Variants in CTNNA3 observed in about 807,000 individuals in gnomAD.
The protein encoded by CTNNA3 is catenin alpha-3.
A neutral mutation model predicts 95.7 loss-of-function variants in CTNNA3; 76 were observed. The observed-to-expected ratio is 0.79, with a 90% CI of 0.66 to 0.96. The LOEUF (loss-of-function observed/expected upper bound fraction) is 0.96. CTNNA3 is among the 40% of genes least tolerant of loss of function. The pLI, the probability that CTNNA3 is intolerant of heterozygous loss-of-function variation, is 0.00. For missense variants in CTNNA3, 1,191 were observed against 1,089.8 expected (o/e 1.09, Z -1.31); for synonymous variants, 431 against 374.4 (o/e 1.15, Z -1.74).
chr10:67,062,425 T>C (rs1172027576), intron 7 of CTNNA3, among the ~76,000 whole-genome samples: 2 of 152,222 alleles, frequency 1.3e-5, no homozygotes, highest in Non-Finnish European at 2.9e-5. Flanking sequence ...TGCTTTAGCA[T>C]TATCTCTTAA....
chr10:66,010,645 T>C (rs1262672857), intron 15 of CTNNA3, among the ~76,000 whole-genome samples: 2 of 152,208 alleles, frequency 1.3e-5, no homozygotes, highest in Non-Finnish European at 2.9e-5. Flanking sequence ...TTCCATACAC[T>C]CAGATGGCTC....
intron 2 of CTNNA3, among the ~76,000 whole-genome samples, chr10:67,619,977 C>T (rs575696302): frequency 1.3e-5 from 2 of 151,622 alleles, no homozygotes; most frequent in South Asian, 4.2e-4. Context: ...TAGATGAAAC[C>T]CAGAACATCC....
chr10:66,960,488 A>G (rs1366094563), intron 7 of CTNNA3, among the ~76,000 whole-genome samples: 1 of 152,210 alleles, frequency 6.6e-6, no homozygotes, highest in African/African-American at 2.4e-5. Flanking sequence ...GTTTTAGAGT[A>G]GAGAACTAAT....
intron 5 of CTNNA3, among the ~76,000 whole-genome samples, chr10:67,481,916 G>A (rs1848247657): frequency 6.6e-6 from 1 of 151,880 alleles, no homozygotes; most frequent in Non-Finnish European, 1.5e-5. Flanking sequence ...ATCGTGAATT[G>A]ATTTTTGTAT....
intron 1 of CTNNA3, among the ~76,000 whole-genome samples, chr10:67,670,752 T>C (rs1049390198): frequency 1.3e-5 from 2 of 152,210 alleles, no homozygotes; most frequent in Non-Finnish European, 2.9e-5. Flanking sequence ...TTTCATAGTC[T>C]ATATTCCCTG....
intron 13 of CTNNA3, among the ~76,000 whole-genome samples, chr10:66,275,604 A>G (rs747246076): frequency 3.9e-5 from 6 of 152,212 alleles, no homozygotes; most frequent in Non-Finnish European, 7.3e-5. Flanking sequence ...TGAGACTTGA[A>G]CTCAGGTCTT....
chr10:66,009,466 A>G (rs1306053847), intron 15 of CTNNA3, among the ~76,000 whole-genome samples: 3 of 152,214 alleles, frequency 2.0e-5, no homozygotes, highest in Non-Finnish European at 1.5e-5. Context: ...GGAGAGTGTC[A>G]ATGCCAATCA....
intron 7 of CTNNA3, among the ~76,000 whole-genome samples, chr10:66,936,815 C>T (rs1847727037): frequency 6.6e-6 from 1 of 152,144 alleles, no homozygotes. Flanking sequence ...TATCTGCTCC[C>T]AGAGTGAGAG....
rs1302973849 is a variant in CTNNA3 at position 67,376,037 on chromosome 10, G to A, written c.579+145805C>T. On this transcript the variant is annotated intron_variant, in intron 5 of 17. Transcript: ENST00000433211. Reference sequence around the variant, plus strand: ...AGGAAGGCACTGTCTATGAGAAAGTGGGCCCTCACCAGCTGCCAAATATAC... The same window carrying A: ...AGGAAGGCACTGTCTATGAGAAAGTAGGCCCTCACCAGCTGCCAAATATAC... 2.0e-5 allele frequency among the ~76,000 whole-genome samples: 3 copies of A among 152,118 alleles called. No individual in the cohort carries two copies. The East Asian group carries it at 5.8e-4, about 29-fold the overall frequency.
intron 7 of CTNNA3, among the ~76,000 whole-genome samples, chr10:66,931,921 C>A (rs940588786): frequency 6.6e-6 from 1 of 152,066 alleles, no homozygotes; most frequent in Non-Finnish European, 1.5e-5. Flanking sequence ...TTTTCATCAG[C>A]AAGATACATG....
rs201890896 is a variant in CTNNA3 at position 66,199,899 on chromosome 10, AC to A, written c.1884+80570del. On this transcript the variant is annotated intron_variant, in intron 13 of 17. Coordinates refer to ENST00000433211, the MANE Select transcript of CTNNA3 (RefSeq NM_013266.4). The stretch of plus-strand genomic sequence containing the variant: ...GATCTCCTGACCTCATGATCTGCCC[AC>A]CTTGGTCTCCCGAAGTGCTGGGATT... 8.3e-3 allele frequency among the ~76,000 whole-genome samples: 1,110 copies of A among 133,202 alleles called. 15 individuals carry two copies. Among genetic ancestry groups the A allele is most frequent in the African/African-American group, 0.031 (1,044 of 33,608 alleles). 87.4% of individuals were successfully genotyped at this position (133,202 alleles called of 152,430 possible).
In CTNNA3 at chr10:66,025,714, C is replaced by CAGATTT. The variant is rs1260587915; in HGVS notation, c.2160-36923_2160-36918dup. On this transcript the variant is annotated intron_variant, in intron 15 of 17. Coordinates refer to ENST00000433211, the MANE Select transcript of CTNNA3 (RefSeq NM_013266.4). ...AAAATGGAGTACATTTTCTGAGCCTCAGATTTAGAGGAAATTTTTCAGCAA... is the reference window on the plus strand; with the variant it reads ...AAAATGGAGTACATTTTCTGAGCCTCAGATTTAGATTTAGAGGAAATTTTTCAGCAA... 2.2e-4 allele frequency among the ~76,000 whole-genome samples: 33 copies of CAGATTT among 152,128 alleles called. 1 individual carries two copies. In the South Asian group the frequency reaches 6.9e-3, roughly 32 times the overall value.
intron 7 of CTNNA3, among the ~76,000 whole-genome samples, chr10:67,117,320 T>C (rs186582545): frequency 4.6e-5 from 7 of 152,118 alleles, no homozygotes; most frequent in Non-Finnish European, 8.8e-5. Context: ...TCAAACCTCA[T>C]TCTTCACTTG....
chr10:66,883,955 G>T (rs994568774), intron 7 of CTNNA3, among the ~76,000 whole-genome samples: 2 of 152,012 alleles, frequency 1.3e-5, no homozygotes, highest in African/African-American at 2.4e-5. Flanking sequence ...GATTCTGAAG[G>T]CTTGAAAGTT....
At chr10:67,439,167 C>G (rs995760700) in intron 5 of CTNNA3, among the ~76,000 whole-genome samples, 2 of 152,086 alleles carry the variant, frequency 1.3e-5, no homozygotes, top group Non-Finnish European at 2.9e-5. Context: ...AAGCAAATAG[C>G]AAAGAGGACT....
intron 7 of CTNNA3, among the ~76,000 whole-genome samples, chr10:67,118,802 T>G (rs1859321150): frequency 6.6e-6 from 1 of 151,870 alleles, no homozygotes; most frequent in South Asian, 2.1e-4. Context: ...CCATATAAAC[T>G]ACACATAAAT....
intron 13 of CTNNA3, among the ~76,000 whole-genome samples, chr10:66,172,836 A>G (rs2085503819): frequency 6.6e-6 from 1 of 152,200 alleles, no homozygotes; most frequent in Non-Finnish European, 1.5e-5. Flanking sequence ...CTTGTTCAAA[A>G]CAAACACATC....
chr10:67,599,436 T>C (rs948758603), intron 3 of CTNNA3, among the ~76,000 whole-genome samples: 2 of 152,162 alleles, frequency 1.3e-5, no homozygotes, highest in Non-Finnish European at 2.9e-5. Context: ...AACCCAGTTG[T>C]AGTCAGCAAA....
intron 14 of CTNNA3, among the ~76,000 whole-genome samples, chr10:66,088,485 TTGTGTGTG>T (rs3074377): frequency 0.025 from 3,549 of 139,636 alleles, 48 homozygotes; most frequent in African/African-American, 0.042. Context: ...GGTAGGTGTT[TTGTGTGTG>T]TGTGTGTGTG....
Sources: gnomAD v4.1 joint callset for allele counts (sites outside exome capture counted in the v4.1 genomes callset) on GRCh38, gnomAD v4.1.1 for gene constraint, MANE v1.5 for transcripts, NCBI Gene and HGNC (gene_info 2026-07-23, HGNC 2026-07-21) for gene names.